Variants in COL18A1 observed in about 807,000 individuals in gnomAD.
The protein encoded by COL18A1 is collagen alpha-1(XVIII) chain.
COL18A1 carries 133 observed loss-of-function variants against 168.0 expected under a neutral mutation model. The observed-to-expected ratio is 0.79, with a 90% CI of 0.69 to 0.91. The LOEUF (loss-of-function observed/expected upper bound fraction) is 0.91. COL18A1 is among the 40% of genes least tolerant of loss of function. COL18A1 has a pLI of 0.00. For missense variants in COL18A1, 2,126 were observed against 1,925.4 expected (o/e 1.10, Z -1.95); for synonymous variants, 949 against 809.0 (o/e 1.17, Z -2.94).
chr21:45,411,759 C>CGGGGGGGGGG (rs1437966551), intron 2 of COL18A1, among the ~76,000 whole-genome samples: 1 of 7,576 alleles, frequency 1.3e-4, no homozygotes, highest in African/African-American at 9.0e-4. Flanking sequence ...GGGCTGATGG[C>CGGGGGGGGGG]GGGGGGTGGG....
At chr21:45,468,876 C>T (rs1324514260) in intron 3 of COL18A1, 90 bp downstream of exon 3, 13 of 1,334,176 alleles carry the variant, frequency 9.7e-6, no homozygotes, top group Middle Eastern at 2.6e-4. Flanking sequence ...GGAGCTGTGG[C>T]CGGAAGAGGA....
chr21:45,411,640 G>A (rs1030585051), intron 2 of COL18A1, among the ~76,000 whole-genome samples: 13 of 151,972 alleles, frequency 8.6e-5, no homozygotes, highest in South Asian at 8.3e-4. Context: ...TGGAGGGCCC[G>A]GCGCTGTGAG....
At chr21:45,433,576 C>T (rs146462548) in intron 2 of COL18A1, among the ~76,000 whole-genome samples, 64 of 152,334 alleles carry the variant, frequency 4.2e-4, no homozygotes, top group African/African-American at 1.5e-3. Context: ...TGTCGTGGCC[C>T]CTGTGAGCTG....
rs1443457119 is a variant in COL18A1 at position 45,507,589 on chromosome 21, G to A, written c.3245G>A (p.Gly1082Glu). Residue 1082 changes from glycine (G) to glutamate (E), a missense_variant, in exon 38 of 42, where the codon GGG (glycine) becomes GAG (glutamate). By Grantham distance (98) the Gly-to-Glu change is moderately conservative. Coordinates refer to ENST00000651438, the MANE Select transcript of COL18A1 (RefSeq NM_001379500.1). ...QLEARTPLPRGTDNEVAALQP... is the reference protein window; with the variant it reads ...QLEARTPLPRETDNEVAALQP... ...GAGGCCCGGACACCACTCCCACGAG[G>A]GACGGTAAGGAGCCTTTTTTCTGTT... 1.2e-6 allele frequency: 2 copies of A among 1,613,090 alleles called. No homozygotes were observed. Among genetic ancestry groups the A allele is most frequent in the Admixed American group, 3.3e-5 (2 of 59,998 alleles).
chr21:45,493,598 C>G (rs774865319), intron 26 of COL18A1, 23 bp downstream of exon 26: 48 of 1,537,878 alleles, frequency 3.1e-5, no homozygotes, highest in South Asian at 2.7e-4. Context: ...CAGCCTCCTT[C>G]CGGCAGGCGT....
intron 2 of COL18A1, among the ~76,000 whole-genome samples, chr21:45,439,215 CAG>C (rs1182643208): frequency 6.6e-6 from 1 of 152,246 alleles, no homozygotes; most frequent in Admixed American, 6.5e-5. Flanking sequence ...ATTTCCGCAA[CAG>C]AACACAGTGG....
At position 45,493,279 on chromosome 21, in the gene COL18A1, C is replaced by T. The variant is rs1253342173; in HGVS notation, c.2277+54C>T. The stretch of plus-strand genomic sequence containing the variant: ...CCCCTTTGTGACCCAGGGGTGGCTC[C>T]AGCCTGCCCAGATGACCACTGTTGG... On this transcript the variant is annotated intron_variant, in intron 25 of 41. Transcript: ENST00000651438. The T allele has an allele frequency of 3.9e-6, 6 of 1,535,494 alleles. No homozygotes were observed. The African/African-American group carries it at 8.2e-5, about 21-fold the overall frequency.
At chr21:45,413,519 G>A (rs2033358749) in intron 2 of COL18A1, among the ~76,000 whole-genome samples, 3 of 152,396 alleles carry the variant, frequency 2.0e-5, no homozygotes, top group South Asian at 4.1e-4. Flanking sequence ...CCAGCGAGGA[G>A]CTTTCTTGTG....
At chr21:45,455,023 C>T (rs2034746945) in intron 2 of COL18A1, among the ~76,000 whole-genome samples, 1 of 152,256 alleles carries the variant, frequency 6.6e-6, no homozygotes, top group Non-Finnish European at 1.5e-5. Context: ...GCCATTGCAA[C>T]AGTGGAATTG....
intron 2 of COL18A1, among the ~76,000 whole-genome samples, chr21:45,414,329 G>C (rs192140762): frequency 1.3e-5 from 2 of 152,296 alleles, no homozygotes; most frequent in South Asian, 4.1e-4. Context: ...TGATCCCCTC[G>C]GGGCAGCAGG....
intron 38 of COL18A1, among the ~76,000 whole-genome samples, chr21:45,509,059 C>T (rs1330274805): frequency 6.6e-6 from 1 of 152,120 alleles, no homozygotes; most frequent in Non-Finnish European, 1.5e-5. Flanking sequence ...TGAATTGGAG[C>T]CGCGGCAAAG....
chr21:45,492,248 C>T (rs910550639), intron 22 of COL18A1, among the ~76,000 whole-genome samples: 2 of 152,162 alleles, frequency 1.3e-5, no homozygotes, highest in African/African-American at 4.8e-5. Context: ...GTAGGCCGAG[C>T]CACCTCCGCC....
chr21:45,423,847 G>A lies in COL18A1; in HGVS notation c.106+18374G>A, dbSNP rs2033701445. On this transcript the variant is annotated intron_variant, in intron 2 of 41. Transcript: ENST00000651438. The surrounding 1 kb of genome is among the most constrained non-coding windows in gnomAD (Gnocchi z 4.0). ...TACTGGCCAGTTTAAGACCCTCTTGGAGCAGGGTTCTGCAGTGTCCTGGGG... is the reference window on the plus strand; with the variant it reads ...TACTGGCCAGTTTAAGACCCTCTTGAAGCAGGGTTCTGCAGTGTCCTGGGG... 2 of 152,396 alleles carry A rather than the reference G, an allele frequency of 1.3e-5. No individual in the cohort carries two copies. The highest frequency in any genetic ancestry group is 4.1e-4 in the South Asian group (2 of 4,826). The allele number at this position is 152,396 out of a possible 1,614,324, so 9.4% of individuals were successfully genotyped here. A position where few individuals can be genotyped will look rare whatever the true frequency, so the allele number is the denominator to read the frequency against.
intron 2 of COL18A1, among the ~76,000 whole-genome samples, chr21:45,449,828 C>G (rs575370947): frequency 1.3e-5 from 2 of 151,922 alleles, no homozygotes; most frequent in Non-Finnish European, 2.9e-5. Flanking sequence ...GTGGCCAGGT[C>G]TGGTGAGAGG....
At chr21:45,511,437 G>C (rs1299153629) in intron 41 of COL18A1, among the ~76,000 whole-genome samples, 1 of 152,238 alleles carries the variant, frequency 6.6e-6, no homozygotes, top group African/African-American at 2.4e-5. Context: ...CCAGGTAGTT[G>C]TAAGAAGGCC....
chr21:45,477,877 C>T lies in COL18A1; in HGVS notation c.1133C>T (p.Ala378Val), dbSNP rs2035734800. The T allele has an allele frequency of 1.3e-6, 2 of 1,557,100 alleles. No individual in the cohort carries two copies. The highest frequency in any genetic ancestry group is 1.2e-5 in the South Asian group (1 of 84,500). The change falls in exon 8 of 42, where the codon GCA becomes GTA. Residue 378 changes from alanine (A) to valine (V), a missense_variant. Transcript: ENST00000651438. ...LPCPVSPLGPAGPALQTVPGP... is the reference protein window; with the variant it reads ...LPCPVSPLGPVGPALQTVPGP... ...TGCCCAGTGAGTCCCCTGGGTCCTG[C>T]AGGCCCAGCGTTGCAAACTGTCCCC... is the stretch of plus-strand genomic sequence containing the variant.
At chr21:45,421,118 G>T in intron 2 of COL18A1, 1 of 286,828 alleles carries the variant, frequency 3.5e-6, no homozygotes, top group Non-Finnish European at 6.9e-6. Context: ...GGGTCAGCTG[G>T]TGCCTGCCTG....
At chr21:45,426,871 C>T (rs1443495802) in intron 2 of COL18A1, among the ~76,000 whole-genome samples, 2 of 152,202 alleles carry the variant, frequency 1.3e-5, no homozygotes, top group African/African-American at 4.8e-5. Flanking sequence ...CTGATGCTCC[C>T]CGCGGTGGAA....
rs752945899 is a variant in COL18A1 at position 45,456,107 on chromosome 21, C to G, written c.107-12135C>G. ...GGCTGGCACCTTGCCTGCACCCACC[C>G]CATCGCCTCCCTCCCTGGGCAGGCC... On this transcript the variant is annotated intron_variant, in intron 2 of 41. Coordinates refer to ENST00000651438, the MANE Select transcript of COL18A1 (RefSeq NM_001379500.1). 4.4e-6 allele frequency: 7 copies of G among 1,589,142 alleles called. No individual in the cohort carries two copies. Among genetic ancestry groups the G allele is most frequent in the African/African-American group, 2.7e-5 (2 of 74,386 alleles).
Sources: gnomAD v4.1 joint callset for allele counts (sites outside exome capture counted in the v4.1 genomes callset) on GRCh38, gnomAD v4.1.1 for gene constraint, Gnocchi (gnomAD v3.1) non-coding constraint, MANE v1.5 for transcripts, NCBI Gene and HGNC (gene_info 2026-07-23, HGNC 2026-07-21) for gene names.